NR3C2: variants seen among roughly 807,000 people sequenced by gnomAD.
The protein encoded by NR3C2 is nuclear receptor subfamily 3 group C member 2.
A neutral mutation model predicts 86.4 loss-of-function variants in NR3C2; 15 were observed. That is an observed-to-expected ratio of 0.17 (90% CI 0.12 to 0.27). The LOEUF is 0.27. Ranked by LOEUF, NR3C2 falls within the 10% of genes least tolerant of loss-of-function variation. NR3C2 has a pLI of 1.00. For synonymous variants in NR3C2, 458 were observed against 450.5 expected (o/e 1.02, Z -0.21); for missense variants, 960 against 1,195.6 (o/e 0.80, Z 2.91).
chr4:148,443,901 G>C (rs777747517), upstream of NR3C2: 5 of 746,620 alleles, frequency 6.7e-6, no homozygotes, highest in Non-Finnish European at 8.2e-6. Flanking sequence ...AGCCGCTCCA[G>C]TCAGGAACTC....
intron 8 of NR3C2, among the ~76,000 whole-genome samples, chr4:148,106,964 A>G (rs970331281): frequency 6.6e-6 from 1 of 152,210 alleles, no homozygotes; most frequent in African/African-American, 2.4e-5. Context: ...AGATTTCATG[A>G]GTAAAACACC....
At chr4:148,342,118 A>G (rs1744776163) in intron 2 of NR3C2, among the ~76,000 whole-genome samples, 3 of 152,180 alleles carry the variant, frequency 2.0e-5, no homozygotes, top group Admixed American at 2.0e-4. Flanking sequence ...ACTGATAACA[A>G]CAGAGTTAAT....
At chr4:148,175,155 T>C (rs3846300) in intron 4 of NR3C2, among the ~76,000 whole-genome samples, 37,608 of 151,818 alleles carry the variant, frequency 0.25, 5,160 homozygotes, top group East Asian at 0.58. Context: ...AAAATAACAC[T>C]AAATCAAAAA....
chr4:148,156,577 G>A (rs1734398353), intron 4 of NR3C2, among the ~76,000 whole-genome samples: 1 of 152,206 alleles, frequency 6.6e-6, no homozygotes, highest in Admixed American at 6.5e-5. Flanking sequence ...CTGGCCATCA[G>A]AGAAATGCAA....
At chr4:148,372,223 T>G (rs1746457885) in intron 2 of NR3C2, among the ~76,000 whole-genome samples, 1 of 152,158 alleles carries the variant, frequency 6.6e-6, no homozygotes, top group Non-Finnish European at 1.5e-5. Context: ...ATGTTCTTTT[T>G]TGGATAAACC....
intron 3 of NR3C2, among the ~76,000 whole-genome samples, chr4:148,235,317 A>G (rs1738696006): frequency 1.3e-5 from 2 of 150,476 alleles, no homozygotes; most frequent in Non-Finnish European, 3.0e-5. Context: ...TACATATGGA[A>G]GAATTTATCA....
intron 8 of NR3C2, among the ~76,000 whole-genome samples, chr4:148,103,899 C>A (rs1334303347): frequency 6.6e-6 from 1 of 152,220 alleles, no homozygotes; most frequent in African/African-American, 2.4e-5. Context: ...CTCAAGGCAT[C>A]TAGGCCATGC....
intron 3 of NR3C2, among the ~76,000 whole-genome samples, chr4:148,215,441 G>A (rs1352491533): frequency 6.6e-6 from 1 of 152,244 alleles, no homozygotes; most frequent in African/African-American, 2.4e-5. Context: ...TTATGAGGAA[G>A]CAAATGCTGA....
intron 2 of NR3C2, among the ~76,000 whole-genome samples, chr4:148,287,309 T>C (rs1172979999): frequency 2.6e-5 from 4 of 152,262 alleles, no homozygotes; most frequent in Non-Finnish European, 4.4e-5. Context: ...TGCCAGACAC[T>C]GTCCTTTTGG....
chr4:148,205,427 C>T (rs745606650), intron 3 of NR3C2, among the ~76,000 whole-genome samples: 10 of 151,654 alleles, frequency 6.6e-5, no homozygotes, highest in Non-Finnish European at 1.2e-4. Flanking sequence ...TAGTTTCCTT[C>T]CCCCAAGGCA....
At chr4:148,316,230 A>G (rs1743165320) in intron 2 of NR3C2, among the ~76,000 whole-genome samples, 1 of 152,160 alleles carries the variant, frequency 6.6e-6, no homozygotes, top group Non-Finnish European at 1.5e-5. Context: ...CACACACAGG[A>G]TTGTAAGGAA....
chr4:148,390,558 G>C (rs1173285227), intron 2 of NR3C2, among the ~76,000 whole-genome samples: 4 of 152,274 alleles, frequency 2.6e-5, no homozygotes, highest in South Asian at 2.1e-4. Flanking sequence ...TACACTACGG[G>C]CACTGTGTGA....
rs780433414 is a variant in NR3C2, at chr4:148,179,338, A to G, written c.2014+15408T>C. 1.4e-4 allele frequency among the ~76,000 whole-genome samples: 21 copies of G among 151,702 alleles called. 1 individual carries two copies. Among genetic ancestry groups the G allele is most frequent in the Non-Finnish European group, 2.9e-4 (20 of 67,854 alleles). On this transcript the variant is annotated intron_variant, in intron 4 of 8. Coordinates refer to ENST00000358102, the MANE Select transcript of NR3C2 (RefSeq NM_000901.5). ...TATGCCCAAAAAGTCTGAAATGCTA[A>G]GCTCTCAGGCCCTTTAAGGAAGGCT...
At chr4:148,101,817 C>A (rs535270323) in intron 8 of NR3C2, among the ~76,000 whole-genome samples, 2 of 152,152 alleles carry the variant, frequency 1.3e-5, no homozygotes, top group East Asian at 1.9e-4. Flanking sequence ...ACAGAAAGAG[C>A]CATCATTCTC....
chr4:148,418,239 T>C (rs1749107167), intron 2 of NR3C2, among the ~76,000 whole-genome samples: 1 of 152,198 alleles, frequency 6.6e-6, no homozygotes, highest in Admixed American at 6.5e-5. Context: ...AAGCAATTCT[T>C]ACTGAGTCAT....
chr4:148,348,953 C>A (rs1745135688), intron 2 of NR3C2, among the ~76,000 whole-genome samples: 3 of 152,168 alleles, frequency 2.0e-5, no homozygotes, highest in African/African-American at 7.2e-5. Flanking sequence ...GTTAAGGTTA[C>A]CTTAAGTGTT....
intron 2 of NR3C2, among the ~76,000 whole-genome samples, chr4:148,377,716 C>A (rs1048590844): frequency 2.2e-4 from 33 of 152,158 alleles, no homozygotes; most frequent in African/African-American, 8.0e-4. Flanking sequence ...AGCTTGAATA[C>A]TAAGTAGAGG....
chr4:148,397,266 G>A (rs1051449964), intron 2 of NR3C2, among the ~76,000 whole-genome samples: 4 of 152,240 alleles, frequency 2.6e-5, no homozygotes, highest in Admixed American at 2.0e-4. Context: ...CAAGGCCTCT[G>A]CCTGGGATGT....
At chr4:148,155,138 C>T (rs1734304191) in intron 4 of NR3C2, among the ~76,000 whole-genome samples, 1 of 152,184 alleles carries the variant, frequency 6.6e-6, no homozygotes, top group Admixed American at 6.5e-5. Flanking sequence ...CTGCCTGTCT[C>T]CTATAAGAGA....
Sources: allele counts gnomAD v4.1 joint callset (sites outside exome capture counted in the v4.1 genomes callset), GRCh38; gene constraint gnomAD v4.1.1; transcripts MANE v1.5; gene names NCBI Gene and HGNC (gene_info 2026-07-23, HGNC 2026-07-21).